IGSF11: variants seen among roughly 807,000 people sequenced by gnomAD.
IGSF11 encodes CXADR like 1.
IGSF11 carries 22 observed loss-of-function variants against 41.0 expected under a neutral mutation model. The ratio of observed to expected loss-of-function variants is 0.54; its 90% CI spans 0.38 to 0.77. The LOEUF (loss-of-function observed/expected upper bound fraction) is 0.77. IGSF11 is among the 30% of genes least tolerant of loss of function. The pLI is 0.00. For synonymous variants in IGSF11, 219 were observed against 201.3 expected (o/e 1.09, Z -0.74); for missense variants, 444 against 530.8 (o/e 0.84, Z 1.61).
At chr3:119,018,140 T>C (rs1042115160) in intron 1 of IGSF11, among the ~76,000 whole-genome samples, 1 of 152,160 alleles carries the variant, frequency 6.6e-6, no homozygotes, top group East Asian at 1.9e-4. Context: ...CAAATTAAAA[T>C]TGTAAACTCT....
chr3:119,093,091 T>A (rs1244253764), intron 1 of IGSF11, among the ~76,000 whole-genome samples: 9 of 152,176 alleles, frequency 5.9e-5, no homozygotes, highest in Admixed American at 3.9e-4. Context: ...CATGATTGTA[T>A]ATTAAGATAT....
chr3:119,117,134 A>G (rs779616101), intron 1 of IGSF11, among the ~76,000 whole-genome samples: 24 of 152,054 alleles, frequency 1.6e-4, no homozygotes, highest in Non-Finnish European at 3.1e-4. Flanking sequence ...CTCTTTATGC[A>G]ATGGGCAGGA....
intron 1 of IGSF11, among the ~76,000 whole-genome samples, chr3:119,130,775 C>G (rs985476523): frequency 1.3e-5 from 2 of 152,200 alleles, no homozygotes; most frequent in Non-Finnish European, 2.9e-5. Flanking sequence ...AGACACCTCC[C>G]AGTAGGGGCC....
intron 1 of IGSF11, among the ~76,000 whole-genome samples, chr3:119,042,833 C>G (rs6786580): frequency 6.6e-6 from 1 of 152,080 alleles, no homozygotes; most frequent in Non-Finnish European, 1.5e-5. Context: ...TTGAAAACAC[C>G]ACCTCCTGGC....
intron 1 of IGSF11, among the ~76,000 whole-genome samples, chr3:119,056,377 A>C (rs373826417): frequency 6.6e-6 from 1 of 152,220 alleles, no homozygotes; most frequent in South Asian, 2.1e-4. Flanking sequence ...TCTAGAAGAA[A>C]TGGATAAATT....
intron 2 of IGSF11, among the ~76,000 whole-genome samples, chr3:118,929,666 T>C (rs546828216): frequency 5.3e-5 from 8 of 152,228 alleles, no homozygotes; most frequent in African/African-American, 1.7e-4. Flanking sequence ...TAATAATTTA[T>C]ATGAGACTCT....
At chr3:119,045,386 C>G (rs923417557) in intron 1 of IGSF11, among the ~76,000 whole-genome samples, 1 of 152,222 alleles carries the variant, frequency 6.6e-6, no homozygotes, top group Non-Finnish European at 1.5e-5. Context: ...GGGTGACGAA[C>G]GGCACCTGGA....
At chr3:118,922,337 TATAC>T (rs1253928952) in intron 4 of IGSF11, among the ~76,000 whole-genome samples, 5 of 152,134 alleles carry the variant, frequency 3.3e-5, no homozygotes, top group Non-Finnish European at 5.9e-5. Flanking sequence ...TATATTTTGA[TATAC>T]ATATATACTG....
At chr3:119,053,622 C>A (rs999065351) in intron 1 of IGSF11, among the ~76,000 whole-genome samples, 6 of 152,034 alleles carry the variant, frequency 3.9e-5, no homozygotes, top group Non-Finnish European at 7.4e-5. Context: ...ATGCAATGCC[C>A]ATCAAAATAC....
chr3:119,143,107 T>C (rs2077671695), intron 1 of IGSF11, among the ~76,000 whole-genome samples: 1 of 152,042 alleles, frequency 6.6e-6, no homozygotes, highest in Non-Finnish European at 1.5e-5. Flanking sequence ...TATCCTCAAG[T>C]AGAAATGAAA....
intron 1 of IGSF11, 141 bp downstream of exon 1, chr3:119,034,390 G>T: frequency 1.2e-6 from 1 of 830,784 alleles, no homozygotes; most frequent in Non-Finnish European, 1.7e-6. Context: ...CTCGGCCGCA[G>T]CAACGAACGC....
intron 4 of IGSF11, among the ~76,000 whole-genome samples, chr3:118,910,964 A>C (rs112463528): frequency 3.5e-4 from 53 of 152,230 alleles, no homozygotes; most frequent in Middle Eastern, 3.4e-3. Context: ...ACATTTTCAT[A>C]GCATTAACAT....
intron 1 of IGSF11, among the ~76,000 whole-genome samples, chr3:119,064,954 T>C (rs1426941258): frequency 6.6e-6 from 1 of 152,190 alleles, no homozygotes; most frequent in African/African-American, 2.4e-5. Flanking sequence ...AATCATGTCA[T>C]GTAAAAATAG....
At chr3:118,976,107 T>C (rs1462299726) in intron 1 of IGSF11, among the ~76,000 whole-genome samples, 1 of 152,188 alleles carries the variant, frequency 6.6e-6, no homozygotes, top group African/African-American at 2.4e-5. Context: ...AAGTTATGTG[T>C]TCCCAGCCCA....
At chr3:119,125,901 G>A (rs1344510669) in intron 1 of IGSF11, among the ~76,000 whole-genome samples, 2 of 152,232 alleles carry the variant, frequency 1.3e-5, no homozygotes, top group South Asian at 2.1e-4. Context: ...GCAACCCACA[G>A]ATCAGAAGAC....
intron 1 of IGSF11, among the ~76,000 whole-genome samples, chr3:119,074,286 TA>T (rs1189968211): frequency 6.6e-6 from 1 of 151,800 alleles, no homozygotes. Flanking sequence ...TCAACAAATT[TA>T]AAAAAATAGA....
At chr3:119,086,150 C>T (rs1207847670) in intron 1 of IGSF11, among the ~76,000 whole-genome samples, 1 of 152,158 alleles carries the variant, frequency 6.6e-6, no homozygotes, top group African/African-American at 2.4e-5. Context: ...ACCCTATTTT[C>T]CTGCCTCAGT....
At chr3:118,989,690 G>T (rs1935604912) in intron 1 of IGSF11, among the ~76,000 whole-genome samples, 1 of 152,118 alleles carries the variant, frequency 6.6e-6, no homozygotes, top group Non-Finnish European at 1.5e-5. Flanking sequence ...TAGGTCTGTT[G>T]AAGCTAACAA....
In IGSF11 at chr3:118,998,472, T is replaced by G. The variant is rs1000660016; in HGVS notation, c.52+36059A>C. On this transcript the variant is annotated intron_variant, in intron 1 of 6. Transcript: ENST00000393775. ...ATGTCTCCAATACTTCAAAATCCATTGGGGGGGAAAAAAAAGAAAAAATGA... is the reference window on the plus strand; with the variant it reads ...ATGTCTCCAATACTTCAAAATCCATGGGGGGGGAAAAAAAAGAAAAAATGA... 4.9e-3 allele frequency among the ~76,000 whole-genome samples: 744 copies of G among 151,424 alleles called. 6 individuals carry two copies. Among genetic ancestry groups the G allele is most frequent in the African/African-American group, 0.017 (720 of 41,258 alleles).
Sources: allele counts gnomAD v4.1 joint callset (sites outside exome capture counted in the v4.1 genomes callset), GRCh38; gene constraint gnomAD v4.1.1; transcripts MANE v1.5; gene names NCBI Gene and HGNC (gene_info 2026-07-23, HGNC 2026-07-21).